Variants in ALDH18A1 observed in about 807,000 individuals in gnomAD.
ALDH18A1 encodes delta-1-pyrroline-5-carboxylate synthase.
ALDH18A1 carries 44 observed loss-of-function variants against 88.8 expected under a neutral mutation model. The ratio of observed to expected loss-of-function variants is 0.50; its 90% CI spans 0.39 to 0.64. The LOEUF is 0.64. Among genes scored for constraint, ALDH18A1 ranks in the 30% least tolerant of loss-of-function variants. The probability of loss-of-function intolerance (pLI) is 0.00; values close to 1 mark genes in which losing one functional copy is unlikely to be tolerated. For synonymous variants in ALDH18A1, 331 were observed against 372.1 expected (o/e 0.89, Z 1.27); for missense variants, 782 against 1,009.5 (o/e 0.77, Z 3.05).
chr10:95,620,800 G>T (rs1235436437), intron 12 of ALDH18A1, among the ~76,000 whole-genome samples: 2 of 132,476 alleles, frequency 1.5e-5, no homozygotes, highest in East Asian at 2.6e-4. Flanking sequence ...GGGGGTGGGG[G>T]ACTGGGGGAG....
rs770695288 is a variant in ALDH18A1 at position 95,637,185 on chromosome 10, A to C, written c.466T>G (p.Leu156Val). The change falls in exon 5 of 18, where the codon TTA (leucine) becomes GTA (valine). Residue 156 changes from leucine to valine, a missense_variant. Leu to Val is a conservative substitution (Grantham distance 32, BLOSUM62 1). Transcript: ENST00000371224. ...GCAGCTGCACAGGCTCGTGCCTCTA[A>C]GACTGGAATTGCCTGTAATATACCA... ...NQLKEMAIPV[L>V]EARACAAAGQ... 1.2e-6 allele frequency: 2 copies of C among 1,614,204 alleles called. No homozygotes were observed. The highest frequency in any genetic ancestry group is 2.2e-5 in the South Asian group (2 of 91,084).
chr10:95,628,940 T>C (rs2097864183), intron 7 of ALDH18A1: 2 of 234,712 alleles, frequency 8.5e-6, no homozygotes, highest in Admixed American at 1.0e-4. Context: ...AGGTACTCAT[T>C]AACTCTCACA....
At chr10:95,621,936 G>A (rs1005334335) in intron 11 of ALDH18A1, among the ~76,000 whole-genome samples, 1 of 152,084 alleles carries the variant, frequency 6.6e-6, no homozygotes, top group African/African-American at 2.4e-5. Context: ...CACTGACATG[G>A]AGAGCTGTCT....
chr10:95,632,849 C>T, intron 7 of ALDH18A1, 110 bp downstream of exon 7: 2 of 946,172 alleles, frequency 2.1e-6, no homozygotes. Flanking sequence ...GGCTAATGAT[C>T]TATAGCAAAA....
intron 2 of ALDH18A1, among the ~76,000 whole-genome samples, chr10:95,649,351 A>AT (rs376825293): frequency 0.025 from 3,230 of 131,046 alleles, 72 homozygotes; most frequent in African/African-American, 0.047. Context: ...ATTTTTACAG[A>AT]TTTTTTTTTT....
intron 10 of ALDH18A1, among the ~76,000 whole-genome samples, chr10:95,625,891 ATTAG>A (rs1372224573): frequency 1.3e-5 from 2 of 152,030 alleles, no homozygotes; most frequent in Non-Finnish European, 2.9e-5. Context: ...ATTTAATATC[ATTAG>A]TTAGTTTATG....
intron 12 of ALDH18A1, among the ~76,000 whole-genome samples, chr10:95,619,874 A>G (rs1191921005): frequency 1.3e-5 from 2 of 152,236 alleles, no homozygotes; most frequent in Admixed American, 6.5e-5. Flanking sequence ...GGACATAGGC[A>G]TGGGCAAGGA....
intron 16 of ALDH18A1, 113 bp from the exon 17 acceptor site, chr10:95,610,405 C>T (rs2059308711): frequency 1.1e-6 from 1 of 906,072 alleles, no homozygotes; most frequent in South Asian, 1.4e-5. Flanking sequence ...ACTGGGGCCT[C>T]TCCATGTGTT....
intron 17 of ALDH18A1, among the ~76,000 whole-genome samples, chr10:95,607,309 G>C (rs2097824571): frequency 6.6e-6 from 1 of 152,128 alleles, no homozygotes; most frequent in Non-Finnish European, 1.5e-5. Flanking sequence ...TACCATGATG[G>C]TTTCACCTCC....
chr10:95,628,614 C>A (rs1411831924), intron 7 of ALDH18A1, 122 bp from the exon 8 acceptor site: 1 of 1,213,600 alleles, frequency 8.2e-7, no homozygotes, highest in Non-Finnish European at 1.2e-6. Context: ...ACTGCACTAC[C>A]ACCTGCTTTA....
intron 16 of ALDH18A1, among the ~76,000 whole-genome samples, chr10:95,610,539 C>T (rs952011114): frequency 6.6e-6 from 1 of 152,086 alleles, no homozygotes; most frequent in Non-Finnish European, 1.5e-5. Flanking sequence ...GGTGACCTGC[C>T]TAAACTTCCT....
intron 2 of ALDH18A1, among the ~76,000 whole-genome samples, chr10:95,643,766 C>T (rs1475423008): frequency 6.6e-6 from 1 of 151,968 alleles, no homozygotes; most frequent in East Asian, 1.9e-4. Flanking sequence ...CTTAGATTTT[C>T]CAAGTTTATG....
At chr10:95,617,818 C>CTGT (rs1213961145) in intron 12 of ALDH18A1, among the ~76,000 whole-genome samples, 2 of 152,134 alleles carry the variant, frequency 1.3e-5, no homozygotes, top group Admixed American at 6.5e-5. Context: ...AGAAATTTCA[C>CTGT]GGATACAGTC....
In ALDH18A1 at chr10:95,633,659, T is replaced by G; in HGVS notation, c.559-10A>C. On this transcript the variant is annotated splice_polypyrimidine_tract_variant and intron_variant, in intron 5 of 17. Coordinates refer to ENST00000371224, the MANE Select transcript of ALDH18A1 (RefSeq NM_002860.4). Reference sequence around the variant, plus strand: ...AATTGGTCACCAAAATCTAAAAGGATTAAATAGATGGAAAATGCATGAGGG... The same window carrying G: ...AATTGGTCACCAAAATCTAAAAGGAGTAAATAGATGGAAAATGCATGAGGG... 1 of 1,613,872 alleles carries G rather than the reference T, an allele frequency of 6.2e-7. No individual in the cohort carries two copies. Among genetic ancestry groups the G allele is most frequent in the African/African-American group, 1.3e-5 (1 of 74,956 alleles).
chr10:95,646,353 G>A (rs2097901305), intron 2 of ALDH18A1, among the ~76,000 whole-genome samples: 2 of 152,214 alleles, frequency 1.3e-5, no homozygotes, highest in Admixed American at 6.5e-5. Context: ...GGAGAAGAGG[G>A]TGGGTCGCAT....
At chr10:95,609,844 C>G (rs924625668) in intron 17 of ALDH18A1, among the ~76,000 whole-genome samples, 2 of 140,770 alleles carry the variant, frequency 1.4e-5, no homozygotes, top group Non-Finnish European at 3.0e-5. Flanking sequence ...CTCGGGCTCA[C>G]CGCAACCTCT....
chr10:95,648,509 A>G (rs1021907943), intron 2 of ALDH18A1, among the ~76,000 whole-genome samples: 1 of 152,204 alleles, frequency 6.6e-6, no homozygotes, highest in Non-Finnish European at 1.5e-5. Flanking sequence ...AAAAATGGCC[A>G]CAATCCTTTT....
At chr10:95,642,000 T>C (rs2097892640) in intron 3 of ALDH18A1, among the ~76,000 whole-genome samples, 1 of 152,072 alleles carries the variant, frequency 6.6e-6, no homozygotes, top group South Asian at 2.1e-4. Flanking sequence ...TAATTTAGAA[T>C]AGAAAATATA....
chr10:95,631,834 G>A (rs770096656), intron 7 of ALDH18A1, among the ~76,000 whole-genome samples: 15 of 151,416 alleles, frequency 9.9e-5, no homozygotes, highest in Non-Finnish European at 1.9e-4. Context: ...ATGTGAAATG[G>A]TACAAGGGGC....
Sources: gnomAD v4.1 joint callset for allele counts (sites outside exome capture counted in the v4.1 genomes callset) on GRCh38, gnomAD v4.1.1 for gene constraint, MANE v1.5 for transcripts, NCBI Gene and HGNC (gene_info 2026-07-23, HGNC 2026-07-21) for gene names.